The following PCCA variants were observed in gnomAD, a reference collection of about 807,000 sequenced individuals.
PCCA encodes propionyl-CoA carboxylase alpha chain, mitochondrial.
Under a neutral mutation model 101.3 loss-of-function variants are expected in PCCA, and 74 were observed. The ratio of observed to expected loss-of-function variants is 0.73; its 90% CI spans 0.61 to 0.89. PCCA has a LOEUF of 0.89. Among genes scored for constraint, PCCA ranks in the 40% least tolerant of loss-of-function variants. The pLI, the probability that PCCA is intolerant of heterozygous loss-of-function variation, is 0.00. For missense variants in PCCA, 891 were observed against 907.0 expected (o/e 0.98, Z 0.23); for synonymous variants, 294 against 313.6 (o/e 0.94, Z 0.66).
intron 7 of PCCA, among the ~76,000 whole-genome samples, chr13:100,221,355 A>ATG (rs1195808362): frequency 6.6e-6 from 1 of 152,336 alleles, no homozygotes; most frequent in Admixed American, 6.5e-5. Flanking sequence ...TCAGAGAAGC[A>ATG]TGCAGATGCC....
At chr13:100,185,694 C>T (rs947917771) in intron 6 of PCCA, among the ~76,000 whole-genome samples, 2 of 148,910 alleles carry the variant, frequency 1.3e-5, no homozygotes, top group African/African-American at 5.0e-5. Flanking sequence ...GTTGCCCACG[C>T]TGGAGTGCAA....
chr13:100,419,990 TAC>T (rs2078640142), intron 19 of PCCA, among the ~76,000 whole-genome samples: 1 of 152,228 alleles, frequency 6.6e-6, no homozygotes, highest in African/African-American at 2.4e-5. Flanking sequence ...GTTTATGAAA[TAC>T]AGAGTTTTTT....
chr13:100,106,879 CTG>C (rs1458784659), intron 2 of PCCA, among the ~76,000 whole-genome samples: 3 of 152,192 alleles, frequency 2.0e-5, no homozygotes, highest in Non-Finnish European at 4.4e-5. Context: ...TGTGGAGAAA[CTG>C]TGTTTCCCTC....
intron 19 of PCCA, among the ~76,000 whole-genome samples, chr13:100,413,030 G>A (rs2078147390): frequency 6.6e-6 from 1 of 152,134 alleles, no homozygotes. Context: ...TAGGAATAAT[G>A]TCACTGGTGG....
At chr13:100,447,787 A>C (rs1215361712) in intron 20 of PCCA, among the ~76,000 whole-genome samples, 1 of 152,132 alleles carries the variant, frequency 6.6e-6, no homozygotes, top group East Asian at 1.9e-4. Flanking sequence ...GTGTCAATTT[A>C]CTTGGCAATA....
intron 21 of PCCA, among the ~76,000 whole-genome samples, chr13:100,470,497 C>T (rs1432611110): frequency 6.6e-6 from 1 of 152,002 alleles, no homozygotes; most frequent in African/African-American, 2.4e-5. Flanking sequence ...AAATGAGTAA[C>T]TCTAGCATTT....
intron 19 of PCCA, among the ~76,000 whole-genome samples, chr13:100,406,915 A>G (rs924261251): frequency 2.0e-5 from 3 of 152,178 alleles, no homozygotes; most frequent in East Asian, 3.9e-4. Context: ...TAATGTTACA[A>G]TCTTCAAAGT....
chr13:100,157,366 G>A (rs892732522), intron 6 of PCCA, 26 bp downstream of exon 6: 6 of 1,534,456 alleles, frequency 3.9e-6, no homozygotes, highest in Non-Finnish European at 5.4e-6. Flanking sequence ...ACCAGAAACT[G>A]TTCATTTCTT....
chr13:100,452,278 C>T (rs1057147284), intron 21 of PCCA, among the ~76,000 whole-genome samples: 2 of 151,720 alleles, frequency 1.3e-5, no homozygotes, highest in African/African-American at 2.4e-5. Context: ...TCTCTGTGTC[C>T]CCACGCCCCC....
At chr13:100,451,972 C>CTCTCCCTCTCTCTCTTT (rs1465708416) in intron 21 of PCCA, among the ~76,000 whole-genome samples, 34 of 100,606 alleles carry the variant, frequency 3.4e-4, no homozygotes, top group South Asian at 6.4e-4. Context: ...CCTCTCTCTC[C>CTCTCCCTCTCTCTCTTT]TCTCCCTCTC....
chr13:100,331,922 G>A lies in PCCA; in HGVS notation c.1540+1251G>A, dbSNP rs1202018504. On this transcript the variant is annotated intron_variant, in intron 17 of 23. Coordinates refer to ENST00000376285, the MANE Select transcript of PCCA (RefSeq NM_000282.4). ...TCTTAGCCATAATATTGATGAGAAA[G>A]GATTACTTTGGATTTTTTTTTTTTT... 4.8e-4 allele frequency among the ~76,000 whole-genome samples: 70 copies of A among 145,076 alleles called. 1 individual carries two copies. The highest frequency in any genetic ancestry group is 2.1e-4 in the Non-Finnish European group (14 of 66,846).
At chr13:100,354,717 T>C (rs149229678) in intron 18 of PCCA, among the ~76,000 whole-genome samples, 4 of 152,302 alleles carry the variant, frequency 2.6e-5, no homozygotes, top group Admixed American at 1.3e-4. Context: ...TTGTGAACAA[T>C]TGTTTACCAA....
intron 8 of PCCA, among the ~76,000 whole-genome samples, chr13:100,255,425 A>G (rs1021164824): frequency 6.6e-6 from 1 of 152,234 alleles, no homozygotes; most frequent in African/African-American, 2.4e-5. Flanking sequence ...GTAAATGACT[A>G]AAATGCGATT....
chr13:100,382,943 A>G (rs188898297), intron 19 of PCCA, among the ~76,000 whole-genome samples: 1 of 152,216 alleles, frequency 6.6e-6, no homozygotes, highest in Admixed American at 6.5e-5. Context: ...GGGGAAGGGA[A>G]GGATCTGGGG....
intron 8 of PCCA, among the ~76,000 whole-genome samples, chr13:100,239,897 C>A (rs969124495): frequency 6.6e-6 from 1 of 152,082 alleles, no homozygotes; most frequent in African/African-American, 2.4e-5. Flanking sequence ...ATTTCCAAAT[C>A]TCAATAAATG....
chr13:100,202,016 A>C (rs901038217), intron 6 of PCCA, among the ~76,000 whole-genome samples: 9 of 151,734 alleles, frequency 5.9e-5, no homozygotes, highest in Admixed American at 5.3e-4. Context: ...TCATAGTTGC[A>C]CTGACTTCTA....
intron 19 of PCCA, among the ~76,000 whole-genome samples, chr13:100,380,393 T>C (rs1402659108): frequency 1.3e-5 from 2 of 151,948 alleles, no homozygotes; most frequent in East Asian, 3.9e-4. Flanking sequence ...CCCACAAAAA[T>C]CCAGAATTGG....
chr13:100,492,432 T>C (rs3783176), intron 21 of PCCA, among the ~76,000 whole-genome samples: 51,544 of 151,808 alleles, frequency 0.34, 9,348 homozygotes, highest in East Asian at 0.57. Flanking sequence ...CCGAGCCCGG[T>C]GGACTGTCTT....
chr13:100,216,697 AAAT>A (rs2059543178), intron 7 of PCCA, among the ~76,000 whole-genome samples: 1 of 152,252 alleles, frequency 6.6e-6, no homozygotes, highest in Admixed American at 6.5e-5. Flanking sequence ...CCAAGAGAAA[AAAT>A]TAAAAGACAA....
Sources: gnomAD v4.1 joint callset for allele counts (sites outside exome capture counted in the v4.1 genomes callset) on GRCh38, gnomAD v4.1.1 for gene constraint, MANE v1.5 for transcripts, NCBI Gene and HGNC (gene_info 2026-07-23, HGNC 2026-07-21) for gene names.